Variants in NFXL1 observed in about 807,000 individuals in gnomAD.
NFXL1 encodes the protein nuclear transcription factor, X-box binding like 1.
NFXL1 carries 66 observed loss-of-function variants against 123.3 expected under a neutral mutation model. That is an observed-to-expected ratio of 0.54 (90% CI 0.44 to 0.66). The LOEUF (loss-of-function observed/expected upper bound fraction) is 0.66. NFXL1 is among the 30% of genes least tolerant of loss of function. NFXL1 has a pLI of 0.00. For synonymous variants in NFXL1, 346 were observed against 360.8 expected (o/e 0.96, Z 0.46); for missense variants, 944 against 1,125.6 (o/e 0.84, Z 2.31).
intron 19 of NFXL1, among the ~76,000 whole-genome samples, chr4:47,861,589 T>G (rs1734770214): frequency 6.6e-6 from 1 of 151,722 alleles, no homozygotes; most frequent in African/African-American, 2.4e-5. Flanking sequence ...CATTCCCAAC[T>G]ACTTATTACC....
chr4:47,908,970 AAAGAAAC>A (rs1737700196), intron 3 of NFXL1, among the ~76,000 whole-genome samples: 1 of 151,624 alleles, frequency 6.6e-6, no homozygotes, highest in Non-Finnish European at 1.5e-5. Context: ...AAAAAAAAAA[AAAGAAAC>A]AAATTTTTTA....
Position 47,899,236 on chromosome 4 carries a change from C to T in NFXL1, c.827-116G>A, listed in dbSNP as rs150951379. 8.7e-5 allele frequency: 112 copies of T among 1,280,976 alleles called. No individual in the cohort carries two copies. In the East Asian group the frequency reaches 2.7e-3, roughly 31 times the overall value. The allele number at this position is 1,280,976 out of a possible 1,614,324, so 79.4% of individuals were successfully genotyped here. A position where few individuals can be genotyped will look rare whatever the true frequency, so the allele number is the denominator to read the frequency against. On this transcript the variant is annotated intron_variant, in intron 6 of 22. Transcript: ENST00000507489. ...TAGAACTTTCTTTACTGACACTTTA[C>T]AAAAGGCAATAACTTTCAATATTTT...
chr4:47,869,825 C>T (rs73244433), intron 18 of NFXL1, among the ~76,000 whole-genome samples: 11,480 of 151,952 alleles, frequency 0.076, 659 homozygotes, highest in East Asian at 0.31. Context: ...CTACCTAACA[C>T]TCAAGAAAGA....
chr4:47,885,304 C>G (rs373245179), intron 14 of NFXL1, among the ~76,000 whole-genome samples, 194 bp downstream of exon 14: 5 of 152,154 alleles, frequency 3.3e-5, no homozygotes, highest in African/African-American at 1.2e-4. Flanking sequence ...ACTGTATTTG[C>G]AAACAATGGT....
intron 4 of NFXL1, among the ~76,000 whole-genome samples, chr4:47,903,706 T>TA (rs1283999417): frequency 6.6e-6 from 1 of 152,134 alleles, no homozygotes; most frequent in East Asian, 1.9e-4. Context: ...CATGTAGACT[T>TA]ACGTACTTAA....
At chr4:47,903,129 C>A (rs1301483969) in intron 5 of NFXL1, 64 bp downstream of exon 5, 2 of 1,212,436 alleles carry the variant, frequency 1.6e-6, no homozygotes, top group Admixed American at 2.5e-5. Flanking sequence ...CTCCAGCCTG[C>A]GTGACAAGAG....
rs1735050110 is a variant in NFXL1 at position 47,866,034 on chromosome 4, A to T, written c.2247-3119T>A. Among the ~76,000 whole-genome samples, 5 of 152,180 alleles carry T rather than the reference A, an allele frequency of 3.3e-5. No homozygotes were observed. In the South Asian group the frequency reaches 1.0e-3, roughly 32 times the overall value. On this transcript the variant is annotated intron_variant, in intron 18 of 22. Coordinates refer to ENST00000507489, the MANE Select transcript of NFXL1 (RefSeq NM_001278624.2). ...TGTCTCAAAAAATAAAAATAAAAAA[A>T]AATTTAAAAAGTATACGAGATTCAA...
At chr4:47,863,279 A>T (rs1436142771) in intron 18 of NFXL1, among the ~76,000 whole-genome samples, 1 of 152,236 alleles carries the variant, frequency 6.6e-6, no homozygotes, top group East Asian at 1.9e-4. Context: ...TACATAAAAA[A>T]ATTTAAAACT....
Position 47,862,904 on chromosome 4 carries a change from G to C in NFXL1, c.2258C>G (p.Thr753Arg), listed in dbSNP as rs370816326. ...GAGGTTCTTTTCATTTACATCAGCT[G>C]TGGTTATTTTTCTAAAAATAAGAAA... Reference protein sequence around the residue: ...SLYVECRKITTADVNEKNLLS... With the variant: ...SLYVECRKITRADVNEKNLLS... The change falls in exon 19 of 23, where the codon ACA (threonine) becomes AGA (arginine). Residue 753 changes from threonine (T) to arginine (R), a missense_variant. Transcript: ENST00000507489. 1.0e-3 allele frequency: 1,571 copies of C among 1,564,756 alleles called. 29 individuals are homozygous for C. In the South Asian group the frequency reaches 0.018, roughly 18 times the overall value.
intron 2 of NFXL1, among the ~76,000 whole-genome samples, chr4:47,913,658 C>A (rs149230169): frequency 1.9e-3 from 287 of 152,276 alleles, no homozygotes; most frequent in African/African-American, 6.7e-3. Flanking sequence ...GTTAACCAAA[C>A]AACATTATAG....
intron 10 of NFXL1, among the ~76,000 whole-genome samples, chr4:47,896,267 G>C (rs1237093958): frequency 6.6e-6 from 1 of 152,188 alleles, no homozygotes; most frequent in African/African-American, 2.4e-5. Context: ...TGAAAGACTT[G>C]TTTTACAAAG....
intron 18 of NFXL1, among the ~76,000 whole-genome samples, chr4:47,873,911 T>A (rs1735588136): frequency 6.6e-6 from 1 of 152,238 alleles, no homozygotes; most frequent in Non-Finnish European, 1.5e-5. Flanking sequence ...CTAAACCTTC[T>A]TAGATAACTT....
intron 12 of NFXL1, 27 bp from the exon 13 acceptor site, chr4:47,886,026 AGTTTCCTTAACT>A: frequency 6.2e-7 from 1 of 1,607,858 alleles, no homozygotes; most frequent in Non-Finnish European, 8.5e-7. Flanking sequence ...ACAATTAAAA[AGTTTCCTTAACT>A]ACCCAAATGC....
chr4:47,859,867 A>C (rs1275494600), intron 19 of NFXL1, among the ~76,000 whole-genome samples: 206 of 42,986 alleles, frequency 4.8e-3, no homozygotes, highest in Non-Finnish European at 7.2e-3. Flanking sequence ...AAAAAAAAAA[A>C]AAACAAACAA....
At chr4:47,872,883 C>T (rs1822029) in intron 18 of NFXL1, among the ~76,000 whole-genome samples, 52,632 of 152,014 alleles carry the variant, frequency 0.35, 10,272 homozygotes, top group Non-Finnish European at 0.44. Flanking sequence ...ATTGACTCTT[C>T]CTTTCAGGAA....
At chr4:47,851,300 G>T in intron 21 of NFXL1, 152 bp from the exon 22 acceptor site, 1 of 623,352 alleles carries the variant, frequency 1.6e-6, no homozygotes, top group South Asian at 2.0e-5. Context: ...CTGAGACAAG[G>T]TTTTACCAAG....
intron 3 of NFXL1, among the ~76,000 whole-genome samples, chr4:47,906,850 C>A (rs1466985412): frequency 6.6e-6 from 1 of 152,184 alleles, no homozygotes; most frequent in Non-Finnish European, 1.5e-5. Flanking sequence ...CAGCGGATAG[C>A]ATGCTATTTG....
chr4:47,883,097 T>C (rs1236272964), intron 15 of NFXL1, among the ~76,000 whole-genome samples: 1 of 152,170 alleles, frequency 6.6e-6, no homozygotes, highest in African/African-American at 2.4e-5. Flanking sequence ...TATCTTTTCT[T>C]CCACGTTTTT....
chr4:47,907,637 C>T (rs538448496), intron 3 of NFXL1, among the ~76,000 whole-genome samples: 3 of 152,062 alleles, frequency 2.0e-5, no homozygotes, highest in Admixed American at 6.6e-5. Flanking sequence ...TTGGTAGAGG[C>T]AAAGGAATGG....
Sources: gnomAD v4.1 joint callset for allele counts (sites outside exome capture counted in the v4.1 genomes callset) on GRCh38, gnomAD v4.1.1 for gene constraint, MANE v1.5 for transcripts, NCBI Gene and HGNC (gene_info 2026-07-23, HGNC 2026-07-21) for gene names.